The following LAMA1 variants were observed in gnomAD, a reference collection of about 807,000 sequenced individuals.
The protein encoded by LAMA1 is laminin subunit alpha 1.
LAMA1 carries 219 observed loss-of-function variants against 348.7 expected under a neutral mutation model. That is an observed-to-expected ratio of 0.63 (90% CI 0.56 to 0.70). LAMA1 has a LOEUF of 0.70. Ranked by LOEUF, LAMA1 falls within the 30% of genes least tolerant of loss-of-function variation. LAMA1 has a pLI of 0.00. For missense variants in LAMA1, 3,744 were observed against 3,888.0 expected (o/e 0.96, Z 0.99); for synonymous variants, 1,487 against 1,491.0 (o/e 1.00, Z 0.06).
At chr18:7,069,712 C>T (rs956891436) in intron 3 of LAMA1, among the ~76,000 whole-genome samples, 6 of 152,108 alleles carry the variant, frequency 3.9e-5, no homozygotes, top group African/African-American at 9.7e-5. Context: ...CACACGGAGA[C>T]GCCCTGAACT....
intron 46 of LAMA1, among the ~76,000 whole-genome samples, chr18:6,973,756 T>C (rs1279665454): frequency 2.6e-5 from 4 of 152,188 alleles, no homozygotes; most frequent in Non-Finnish European, 5.9e-5. Context: ...GCCTTACACG[T>C]AGACTTTCTA....
intron 36 of LAMA1, among the ~76,000 whole-genome samples, chr18:6,988,895 G>C (rs11660261): frequency 7.3e-6 from 1 of 137,716 alleles, no homozygotes; most frequent in African/African-American, 2.7e-5. Context: ...ACAATAATCC[G>C]AAGTGTACAG....
intron 48 of LAMA1, among the ~76,000 whole-genome samples, chr18:6,969,965 G>A (rs79641836): frequency 0.023 from 3,563 of 152,310 alleles, 84 homozygotes; most frequent in Middle Eastern, 0.061. Context: ...AGGTAAAGTA[G>A]GGGGACTTTT....
chr18:7,065,997 A>C (rs1476326778), intron 3 of LAMA1, among the ~76,000 whole-genome samples: 1 of 152,198 alleles, frequency 6.6e-6, no homozygotes, highest in African/African-American at 2.4e-5. Context: ...CCAGTCACTA[A>C]GAAGTCTCTA....
At chr18:7,095,144 CTCTCTCTCTCTCT>C (rs1359385550) in intron 1 of LAMA1, among the ~76,000 whole-genome samples, 1 of 145,936 alleles carries the variant, frequency 6.9e-6, no homozygotes, top group Non-Finnish European at 1.5e-5. Flanking sequence ...CTCTCTCTCT[CTCTCTCTCTCTCT>C]CCTCTGCTGT....
Position 6,955,392 on chromosome 18 carries a change from T to C in LAMA1, c.8168A>G (p.His2723Arg), listed in dbSNP as rs2057570784. The C allele has an allele frequency of 6.2e-7, 1 of 1,614,008 alleles. No homozygotes were observed. The highest frequency in any genetic ancestry group is 8.5e-7 in the Non-Finnish European group (1 of 1,180,026). Residue 2723 changes from histidine to arginine, a missense_variant, in exon 57 of 63, where the codon CAT becomes CGT. Physicochemically the swap from His to Arg is conservative, Grantham distance 29. Around this residue, in one of 3 missense-constraint regions of LAMA1, gnomAD observed 1,983 missense variants for 1,934.3 expected, o/e 1.03. Transcript: ENST00000389658. Reference sequence around the variant, plus strand: ...CGACTGATTAAAAGGCAAGATGAAATGGCTGTTTTGTGTGAGACCAAACTG... The same window carrying C: ...CGACTGATTAAAAGGCAAGATGAAACGGCTGTTTTGTGTGAGACCAAACTG... ...AHQFGLTQNS[H>R]FILPFNQSAV...
At chr18:7,042,991 G>A in intron 8 of LAMA1, 1 of 553,214 alleles carries the variant, frequency 1.8e-6, no homozygotes, top group Non-Finnish European at 3.2e-6. Context: ...TTATGACCCA[G>A]GATTACATAG....
At chr18:6,989,704 G>T (rs1227472410) in intron 36 of LAMA1, among the ~76,000 whole-genome samples, 1 of 151,958 alleles carries the variant, frequency 6.6e-6, no homozygotes, top group Non-Finnish European at 1.5e-5. Flanking sequence ...AGGGGAACAG[G>T]TGGGGGTGGG....
chr18:7,044,600 A>G, intron 7 of LAMA1, 122 bp downstream of exon 7: 1 of 844,796 alleles, frequency 1.2e-6, no homozygotes, highest in Non-Finnish European at 2.1e-6. Context: ...GCAGCTTTGG[A>G]AACTACTTAA....
At chr18:7,105,469 TA>T (rs1568071044) in intron 1 of LAMA1, among the ~76,000 whole-genome samples, 1 of 147,336 alleles carries the variant, frequency 6.8e-6, no homozygotes, top group Non-Finnish European at 1.5e-5. Flanking sequence ...AATAAATAAA[TA>T]AATAAATAAA....
At chr18:7,050,461 C>T (rs1213490925) in intron 4 of LAMA1, among the ~76,000 whole-genome samples, 3 of 152,074 alleles carry the variant, frequency 2.0e-5, no homozygotes, top group Non-Finnish European at 4.4e-5. Context: ...GATCCAAGGG[C>T]GTTATTAAAT....
rs199811630 is a variant in LAMA1, at chr18:6,964,779, T to C, written c.7220A>G (p.Tyr2407Cys). ...CTTGGTTTCTTTATTACTGGTGTTATAGGCATCGATAACTGCTAGCACTCC... is the reference window on the plus strand; with the variant it reads ...CTTGGTTTCTTTATTACTGGTGTTACAGGCATCGATAACTGCTAGCACTCC... The part of the protein sequence containing the change: ...KQGVLAVIDA[Y>C]NTSNKETKQG... The change falls in exon 51 of 63, where the codon TAT (tyrosine) becomes TGT (cysteine). Residue 2407 changes from tyrosine to cysteine, a missense_variant. Around this residue, in one of 3 missense-constraint regions of LAMA1, gnomAD observed 1,983 missense variants for 1,934.3 expected, o/e 1.03. Coordinates refer to ENST00000389658, the MANE Select transcript of LAMA1 (RefSeq NM_005559.4). 191 of 1,614,120 alleles carry C rather than the reference T, an allele frequency of 1.2e-4. No individual in the cohort carries two copies. The highest frequency in any genetic ancestry group is 1.4e-4 in the Non-Finnish European group (168 of 1,180,036).
chr18:7,004,168 T>C (rs2057821344), intron 29 of LAMA1, among the ~76,000 whole-genome samples: 1 of 151,988 alleles, frequency 6.6e-6, no homozygotes, highest in South Asian at 2.1e-4. Context: ...AGAACCAAAG[T>C]GTGGGCTGAA....
At chr18:7,019,674 C>CTTTTTTT (rs35235323) in intron 19 of LAMA1, among the ~76,000 whole-genome samples, 9 of 94,536 alleles carry the variant, frequency 9.5e-5, no homozygotes, top group Admixed American at 4.0e-4. Flanking sequence ...TATGGTAATT[C>CTTTTTTT]TTTTTTTTTT....
At position 6,997,575 on chromosome 18, in the gene LAMA1, T is replaced by G. The variant is rs570115194; in HGVS notation, c.4806+167A>C. ...CGTGTGAGATAAGTAAGTAAGTGCC[T>G]GTCACTGGTCACAGTCAAGGAAAGA... is the stretch of plus-strand genomic sequence containing the variant. On this transcript the variant is annotated intron_variant, in intron 33 of 62. Transcript: ENST00000389658. Among the ~76,000 whole-genome samples the G allele has an allele frequency of 6.6e-5, 10 of 152,130 alleles. No individual in the cohort carries two copies. In the South Asian group the frequency reaches 1.9e-3, roughly 29 times the overall value.
intron 19 of LAMA1, among the ~76,000 whole-genome samples, chr18:7,020,858 G>A (rs1430617448): frequency 5.9e-5 from 9 of 152,126 alleles, no homozygotes. Flanking sequence ...AACGCTGGCA[G>A]CAGGGCGATA....
intron 29 of LAMA1, among the ~76,000 whole-genome samples, chr18:7,003,290 A>G (rs544987608): frequency 6.8e-6 from 1 of 147,884 alleles, no homozygotes; most frequent in South Asian, 2.2e-4. Flanking sequence ...TCGCTCTGTC[A>G]CCCAGGCCAG....
intron 43 of LAMA1, 133 bp from the exon 44 acceptor site, chr18:6,978,014 A>G (rs1025825236): frequency 1.6e-6 from 2 of 1,277,382 alleles, no homozygotes; most frequent in African/African-American, 2.9e-5. Flanking sequence ...TGTGGTACAA[A>G]GATGAAAACT....
At position 7,016,519 on chromosome 18, in the gene LAMA1, G is replaced by A. The variant is rs1485648927; in HGVS notation, c.2961C>T (p.Phe987=). The change falls in exon 21 of 63, where the codon TTC becomes TTT. Residue 987 remains phenylalanine (F), a synonymous_variant. Coordinates refer to ENST00000389658, the MANE Select transcript of LAMA1 (RefSeq NM_005559.4). ...TACAGCTACCATCCTGGTAGGCGTA[G>A]AAGCCATGGGCACACCTGTCACACC... The part of the protein sequence containing the change: ...GKRCDRCAHG[F]YAYQDGSCTP... 6.2e-7 allele frequency: 1 copy of A among 1,614,074 alleles called. No individual in the cohort carries two copies. Among genetic ancestry groups the A allele is most frequent in the African/African-American group, 1.3e-5 (1 of 74,918 alleles).
Sources: allele counts gnomAD v4.1 joint callset (sites outside exome capture counted in the v4.1 genomes callset), GRCh38; gene constraint gnomAD v4.1.1; regional missense constraint gnomAD v4.1.1; transcripts MANE v1.5; gene names NCBI Gene and HGNC (gene_info 2026-07-23, HGNC 2026-07-21).